The following RANBP2 variants were observed in gnomAD, a reference collection of about 807,000 sequenced individuals.
RANBP2 encodes the protein RAN binding protein 2, also known as E3 SUMO-protein ligase RanBP2.
In RANBP2, 57 loss-of-function variants were observed where a neutral mutation model predicts 303.6. The observed-to-expected ratio is 0.19, with a 90% CI of 0.15 to 0.23. The LOEUF (loss-of-function observed/expected upper bound fraction) is 0.23, where lower values mean the gene tolerates loss of function less well. Ranked by LOEUF, RANBP2 falls within the 10% of genes least tolerant of loss-of-function variation. The probability of loss-of-function intolerance (pLI) is 1.00; values close to 1 mark genes in which losing one functional copy is unlikely to be tolerated. For missense variants in RANBP2, 3,138 were observed against 3,780.8 expected (o/e 0.83, Z 4.46); for synonymous variants, 1,167 against 1,301.5 (o/e 0.90, Z 2.23).
chr2:108,753,717 T>G, intron 14 of RANBP2, 108 bp from the exon 15 acceptor site: 1 of 1,589,780 alleles, frequency 6.3e-7, no homozygotes, highest in South Asian at 1.1e-5. Flanking sequence ...TTCTTGTGCC[T>G]CAGCTCCCGA....
At chr2:109,347,783 A>G in the RANBP2 span, 1 of 1,613,992 alleles carries the variant, frequency 6.2e-7, no homozygotes, top group Non-Finnish European at 8.5e-7. Flanking sequence ...CGCAAGGTGG[A>G]TGAACAGTGG....
At chr2:109,337,330 G>A in the RANBP2 span, among the ~76,000 whole-genome samples, 1 of 152,200 alleles carries the variant, frequency 6.6e-6, no homozygotes, top group East Asian at 1.9e-4. Flanking sequence ...GGGTGCATCG[G>A]GCTGCTGGCC....
the RANBP2 span, among the ~76,000 whole-genome samples, chr2:108,993,201 G>C: frequency 6.6e-6 from 1 of 152,164 alleles, no homozygotes; most frequent in Non-Finnish European, 1.5e-5. Flanking sequence ...ACTTGCGAAG[G>C]AAGAAGGCAG....
the RANBP2 span, among the ~76,000 whole-genome samples, chr2:109,263,373 G>GT: frequency 6.6e-6 from 1 of 152,146 alleles, no homozygotes; most frequent in Non-Finnish European, 1.5e-5. Flanking sequence ...TCTGGAATGT[G>GT]TTTATTTTGT....
the RANBP2 span, among the ~76,000 whole-genome samples, chr2:109,064,050 A>G: frequency 6.6e-6 from 1 of 152,320 alleles, no homozygotes; most frequent in Non-Finnish European, 1.5e-5. Context: ...GAGAAGAGAT[A>G]CTATGAGTTC....
At chr2:108,884,251 G>A in the RANBP2 span, 1 of 152,160 alleles carries the variant, frequency 6.6e-6, no homozygotes, top group Admixed American at 6.6e-5. Context: ...GGCCCAACTT[G>A]CTTTACCTGT....
the RANBP2 span, chr2:108,911,034 T>C: frequency 6.2e-7 from 1 of 1,614,126 alleles, no homozygotes; most frequent in Non-Finnish European, 8.5e-7. Flanking sequence ...GACATTGCAA[T>C]GATCAGGGCA....
chr2:108,910,738 A>C, the RANBP2 span: 2 of 1,607,212 alleles, frequency 1.2e-6, no homozygotes, highest in African/African-American at 1.3e-5. Flanking sequence ...AGAGATGGGC[A>C]CCGTGCACAT....
At chr2:108,859,053 T>C in the RANBP2 span, among the ~76,000 whole-genome samples, 175 of 152,306 alleles carry the variant, frequency 1.1e-3, no homozygotes, top group African/African-American at 3.8e-3. Context: ...ATAGGATTGC[T>C]GAATCGAATG....
At chr2:109,738,072 GT>G in the RANBP2 span, among the ~76,000 whole-genome samples, 2 of 150,458 alleles carry the variant, frequency 1.3e-5, no homozygotes, top group Non-Finnish European at 3.0e-5. Flanking sequence ...CTGTGCAGAG[GT>G]TTTTTAGTTT....
the RANBP2 span, among the ~76,000 whole-genome samples, chr2:108,829,599 A>G: frequency 2.6e-5 from 4 of 152,236 alleles, no homozygotes; most frequent in African/African-American, 9.6e-5. Flanking sequence ...TATAAAAATT[A>G]GCCCAGTGTG....
At chr2:109,646,719 T>A in the RANBP2 span, among the ~76,000 whole-genome samples, 1 of 149,754 alleles carries the variant, frequency 6.7e-6, no homozygotes. Context: ...TTGGCCAGGC[T>A]GGTCTTGAAC....
chr2:109,708,944 T>C, the RANBP2 span, among the ~76,000 whole-genome samples: 1 of 151,874 alleles, frequency 6.6e-6, no homozygotes, highest in Non-Finnish European at 1.5e-5. Context: ...GCAGTTGCAC[T>C]CCAGCCTGGG....
chr2:109,517,945 A>G, the RANBP2 span, among the ~76,000 whole-genome samples: 1 of 152,160 alleles, frequency 6.6e-6, no homozygotes, highest in Non-Finnish European at 1.5e-5. Flanking sequence ...CCCCGATGGG[A>G]GCTCGAGTCC....
At chr2:108,938,980 A>G in the RANBP2 span, among the ~76,000 whole-genome samples, 1 of 152,036 alleles carries the variant, frequency 6.6e-6, no homozygotes, top group Non-Finnish European at 1.5e-5. Flanking sequence ...GGGTTTCACC[A>G]TGTTGGTCAG....
At chr2:109,674,294 T>C in the RANBP2 span, among the ~76,000 whole-genome samples, 2 of 150,994 alleles carry the variant, frequency 1.3e-5, no homozygotes, top group African/African-American at 4.9e-5. Context: ...AGAAAAATAT[T>C]TCCTCATCAC....
chr2:109,692,620 G>A, the RANBP2 span, among the ~76,000 whole-genome samples: 1 of 152,076 alleles, frequency 6.6e-6, no homozygotes, highest in South Asian at 2.1e-4. Flanking sequence ...GGAAGCCTGT[G>A]GGAGGGAGGC....
chr2:109,733,180 G>GAAAA, the RANBP2 span: 82 of 291,130 alleles, frequency 2.8e-4, no homozygotes, highest in East Asian at 4.9e-4. Flanking sequence ...TAGGTCAAAT[G>GAAAA]AAAAAAAAAA....
chr2:108,847,834 A>G, the RANBP2 span, among the ~76,000 whole-genome samples: 4 of 152,306 alleles, frequency 2.6e-5, no homozygotes, highest in South Asian at 8.3e-4. Flanking sequence ...TGAAAAAGTA[A>G]AAAACCATAT....
Sources: allele counts gnomAD v4.1 joint callset (sites outside exome capture counted in the v4.1 genomes callset), GRCh38; gene constraint gnomAD v4.1.1; transcripts MANE v1.5; gene names NCBI Gene and HGNC (gene_info 2026-07-23, HGNC 2026-07-21).